Variants in MCL1 observed in about 807,000 individuals in gnomAD.
MCL1 encodes the protein MCL1 apoptosis regulator, BCL2 family member, also known as induced myeloid leukemia cell differentiation protein Mcl-1.
MCL1 carries 4 observed loss-of-function variants against 24.2 expected under a neutral mutation model. The observed-to-expected ratio is 0.17, with a 90% confidence interval of 0.08 to 0.38. The LOEUF (loss-of-function observed/expected upper bound fraction) is 0.38, where lower values mean the gene tolerates loss of function less well. MCL1 is among the 10% of genes least tolerant of loss of function. MCL1 has a pLI of 1.00. For missense variants in MCL1, 529 were observed against 480.3 expected (o/e 1.10, Z -0.95); for synonymous variants, 248 against 214.0 (o/e 1.16, Z -1.39).
chr1:150,577,515 C>T, intron 2 of MCL1, 24 bp from the exon 3 acceptor site: 1 of 1,564,310 alleles, frequency 6.4e-7, no homozygotes, highest in Non-Finnish European at 8.6e-7. Flanking sequence ...AAGAAAAGCA[C>T]ATTTTCAAGT....
rs146560250 is a variant in MCL1 at position 150,577,800 on chromosome 1, AAT to A, written c.937-311_937-310del. 2.9e-3 allele frequency among the ~76,000 whole-genome samples: 448 copies of A among 152,254 alleles called. 3 individuals carry two copies. Among genetic ancestry groups the A allele is most frequent in the Middle Eastern group, 0.02 (6 of 294 alleles). On this transcript the variant is annotated intron_variant, in intron 2 of 2. Coordinates refer to ENST00000369026, the MANE Select transcript of MCL1 (RefSeq NM_021960.5). ...CCTTATTCTCAAATCTCCACCACCT[AAT>A]ATTTCAGTAACGCCTCAATTGCGCA...
At position 150,578,917 on chromosome 1, in the gene MCL1, G is replaced by C. The variant is rs991095360; in HGVS notation, c.614C>G (p.Thr205Ser). 6.2e-7 allele frequency: 1 copy of C among 1,613,660 alleles called. No individual in the cohort carries two copies. Among genetic ancestry groups the C allele is most frequent in the Non-Finnish European group, 8.5e-7 (1 of 1,180,030 alleles). ...DTKPMGRSGATSRKALETLRR... is the reference protein window; with the variant it reads ...DTKPMGRSGASSRKALETLRR... ...TAAGGTCTCCAGCGCCTTCCTGCTG[G>C]TGGCCCCAGACCTGCCCATTGGCTT... The change falls in exon 1 of 3, where the codon ACC becomes AGC. Residue 205 changes from threonine (T) to serine (S), a missense_variant. Coordinates refer to ENST00000369026, the MANE Select transcript of MCL1 (RefSeq NM_021960.5).
chr1:150,578,198 T>G (rs201581549), intron 2 of MCL1, 46 bp downstream of exon 2: 68 of 1,583,488 alleles, frequency 4.3e-5, no homozygotes, highest in Non-Finnish European at 5.7e-5. Flanking sequence ...AAATCCTTCA[T>G]TCTACTTCCA....
rs975416577 is a variant in MCL1, at chr1:150,578,322, G to A, written c.858C>T (p.Cys286=). ...TGATACTTTCTGCTAATGGTTCGAT[G>A]CAGCTTTCTTGGTTTATGGTCTTCA... ...KHLKTINQES[C]IEPLAESITD... Residue 286 remains cysteine, a synonymous_variant, in exon 2 of 3, where the codon TGC becomes TGT. Coordinates refer to ENST00000369026, the MANE Select transcript of MCL1 (RefSeq NM_021960.5). 4.3e-6 allele frequency: 7 copies of A among 1,614,084 alleles called. No homozygotes were observed. The highest frequency in any genetic ancestry group is 1.7e-5 in the Admixed American group (1 of 59,998).
intron 2 of MCL1, 96 bp downstream of exon 2, chr1:150,578,148 G>A (rs904028700): frequency 3.0e-6 from 4 of 1,339,104 alleles, no homozygotes; most frequent in Non-Finnish European, 4.1e-6. Flanking sequence ...AAACAGCCGT[G>A]CGTCATAAAA....
At chr1:150,578,737 G>C in intron 1 of MCL1, 106 bp downstream of exon 1, 1 of 1,253,224 alleles carries the variant, frequency 8.0e-7, no homozygotes, top group Non-Finnish European at 1.1e-6. Flanking sequence ...GATGAGACAC[G>C]TTTCAACACT....
Position 150,579,474 on chromosome 1 carries a change from G to A in MCL1, c.57C>T (p.Ala19=), listed in dbSNP as rs974793067. 2.5e-6 allele frequency: 4 copies of A among 1,592,962 alleles called. No homozygotes were observed. Among genetic ancestry groups the A allele is most frequent in the Non-Finnish European group, 3.4e-6 (4 of 1,171,606 alleles). Residue 19 remains alanine, a synonymous_variant, in exon 1 of 3, where the codon GCC becomes GCT. Coordinates refer to ENST00000369026, the MANE Select transcript of MCL1 (RefSeq NM_021960.5). ...VIGLNLYCGG[A]GLGAGSGGAT... ...CGCCGCCGCTGCCGGCCCCCAAGCC[G>A]GCCCCCCCACAGTAGAGGTTGAGTC...
chr1:150,574,579 T>C lies in MCL1; in HGVS notation c.*2796A>G. 4.4e-6 allele frequency: 1 copy of C among 229,010 alleles called. No homozygotes were observed. Among genetic ancestry groups the C allele is most frequent in the Non-Finnish European group, 8.7e-6 (1 of 115,184 alleles). 14.2% of individuals were successfully genotyped at this position (229,010 alleles called of 1,614,324 possible). A position where few individuals can be genotyped will look rare whatever the true frequency, so the allele number is the denominator to read the frequency against. ...TGTATTTGAATAAAAGATTTATTTT[T>C]TTTTCTCAGGAAAAACAGAAAGTTA... On this transcript the variant is annotated 3_prime_UTR_variant, in exon 3 of 3. Transcript: ENST00000369026.
At position 150,577,369 on chromosome 1, in the gene MCL1, G is replaced by GT. The variant is rs756583252; in HGVS notation, c.*5dup. ...TTAAAAGTCAACTATTGCACTTACA[G>GT]TAAGGCTATCTTATTAGATATGCCA... On this transcript the variant is annotated 3_prime_UTR_variant, in exon 3 of 3. Transcript: ENST00000369026. 8 of 1,612,698 alleles carry GT rather than the reference G, an allele frequency of 5.0e-6. No individual in the cohort carries two copies. In the South Asian group the frequency reaches 8.8e-5, roughly 18 times the overall value.
At position 150,575,123 on chromosome 1, in the gene MCL1, A is replaced by C. The variant is rs944723879; in HGVS notation, c.*2252T>G. ...TTTTAGTTACCGTAACCAGATCTTA[A>C]GATTAATTAAAAACTACATAAAGTG... is the stretch of plus-strand genomic sequence containing the variant. On this transcript the variant is annotated 3_prime_UTR_variant, in exon 3 of 3. Coordinates refer to ENST00000369026, the MANE Select transcript of MCL1 (RefSeq NM_021960.5). 58 of 233,246 alleles carry C rather than the reference A, an allele frequency of 2.5e-4. No individual in the cohort carries two copies. Among genetic ancestry groups the C allele is most frequent in the African/African-American group, 1.2e-3 (56 of 45,280 alleles). The allele number at this position is 233,246 out of a possible 1,614,324, so 14.4% of individuals were successfully genotyped here.
In MCL1 at chr1:150,575,515, T is replaced by A; in HGVS notation, c.*1860A>T. ...AGAGAAAGCCTCATAAAATGTTCTT[T>A]CCTCTGAAAATTCCTGAGGGGACTT... On this transcript the variant is annotated 3_prime_UTR_variant, in exon 3 of 3. Coordinates refer to ENST00000369026, the MANE Select transcript of MCL1 (RefSeq NM_021960.5). 1 of 233,122 alleles carries A rather than the reference T, an allele frequency of 4.3e-6. No homozygotes were observed. Among genetic ancestry groups the A allele is most frequent in the Non-Finnish European group, 8.5e-6 (1 of 117,960 alleles). The allele number at this position is 233,122 out of a possible 1,614,324, so 14.4% of individuals were successfully genotyped here. A position where few individuals can be genotyped will look rare whatever the true frequency, so the allele number is the denominator to read the frequency against.
At position 150,576,768 on chromosome 1, in the gene MCL1, A is replaced by G. The variant is rs955936338; in HGVS notation, c.*607T>C. ...ATTACTGAGCCTTCCGTCAAGTATT[A>G]TTGGTGATAAACTAGGCTAATAAAG... On this transcript the variant is annotated 3_prime_UTR_variant, in exon 3 of 3. Transcript: ENST00000369026. 2.2e-5 allele frequency: 5 copies of G among 232,516 alleles called. No individual in the cohort carries two copies. In the South Asian group the frequency reaches 7.2e-4, roughly 34 times the overall value. The allele number at this position is 232,516 out of a possible 1,614,324, so 14.4% of individuals were successfully genotyped here.
chr1:150,578,829 A>T lies in MCL1; in HGVS notation c.688+14T>A. On this transcript the variant is annotated intron_variant, in intron 1 of 2. Coordinates refer to ENST00000369026, the MANE Select transcript of MCL1 (RefSeq NM_021960.5). ...AAAGGGAGTGAGGCCTTGGCGATTA[A>T]TGAACCCCCTTACCTTGGAAGGCCG... 1 of 1,600,458 alleles carries T rather than the reference A, an allele frequency of 6.2e-7. No individual in the cohort carries two copies. The highest frequency in any genetic ancestry group is 8.5e-7 in the Non-Finnish European group (1 of 1,171,216).
At position 150,579,048 on chromosome 1, in the gene MCL1, G is replaced by A. The variant is rs587719450; in HGVS notation, c.483C>T (p.Pro161=). The A allele has an allele frequency of 2.5e-6, 4 of 1,613,326 alleles. No individual in the cohort carries two copies. Among genetic ancestry groups the A allele is most frequent in the Admixed American group, 1.7e-5 (1 of 60,022 alleles). ...GNNTSTDGSL[P]STPPPAEEEE... The stretch of plus-strand genomic sequence containing the variant: ...CCTCCTCTGCTGGCGGCGGCGTCGA[G>A]GGTAGTGACCCGTCCGTACTGGTGT... Residue 161 remains proline (P), a synonymous_variant, in exon 1 of 3, where the codon CCC becomes CCT. Coordinates refer to ENST00000369026, the MANE Select transcript of MCL1 (RefSeq NM_021960.5).
At position 150,579,294 on chromosome 1, in the gene MCL1, C is replaced by T. The variant is rs1458479717; in HGVS notation, c.237G>A (p.Pro79=). ...LTPDSRRVAR[P]PPIGAEVPDV... ...CGGGGACCTCGGCGCCAATGGGCGG[C>T]GGCCGCGCGACCCTCCGGGAGTCTG... The change falls in exon 1 of 3, where the codon CCG becomes CCA. Residue 79 remains proline (P), a synonymous_variant. Coordinates refer to ENST00000369026, the MANE Select transcript of MCL1 (RefSeq NM_021960.5). The T allele has an allele frequency of 2.0e-6, 3 of 1,475,686 alleles. No homozygotes were observed. Among genetic ancestry groups the T allele is most frequent in the Non-Finnish European group, 1.8e-6 (2 of 1,119,108 alleles). The allele number at this position is 1,475,686 out of a possible 1,614,324, so 91.4% of individuals were successfully genotyped here. A position where few individuals can be genotyped will look rare whatever the true frequency, so the allele number is the denominator to read the frequency against.
rs182383007 is a variant in MCL1 at position 150,574,901 on chromosome 1, C to G, written c.*2474G>C. The G allele has an allele frequency of 3.4e-5, 8 of 233,324 alleles. No individual in the cohort carries two copies. In the South Asian group the frequency reaches 1.1e-3, roughly 32 times the overall value. The allele number at this position is 233,324 out of a possible 1,614,324, so 14.5% of individuals were successfully genotyped here. A position where few individuals can be genotyped will look rare whatever the true frequency, so the allele number is the denominator to read the frequency against. On this transcript the variant is annotated 3_prime_UTR_variant, in exon 3 of 3. Coordinates refer to ENST00000369026, the MANE Select transcript of MCL1 (RefSeq NM_021960.5). ...CTTAGACCACCTGCCTCCTCCTCCC[C>G]CTATAAACCCACCACTCCCCTCCTC...
In MCL1 at chr1:150,575,630, TGTTA is replaced by T. The variant is rs1291772318; in HGVS notation, c.*1741_*1744del. The T allele has an allele frequency of 1.3e-5, 3 of 232,954 alleles. No homozygotes were observed. The highest frequency in any genetic ancestry group is 2.2e-5 in the African/African-American group (1 of 45,308). 14.4% of individuals were successfully genotyped at this position (232,954 alleles called of 1,614,324 possible). A position where few individuals can be genotyped will look rare whatever the true frequency, so the allele number is the denominator to read the frequency against. On this transcript the variant is annotated 3_prime_UTR_variant, in exon 3 of 3. Coordinates refer to ENST00000369026, the MANE Select transcript of MCL1 (RefSeq NM_021960.5). ...GGACTTCCTCCCACCTCTCAATGACTGTTAGTGTCACAGCACCCATGGTATTACC... is the reference window on the plus strand; with the variant it reads ...GGACTTCCTCCCACCTCTCAATGACTGTGTCACAGCACCCATGGTATTACC...
chr1:150,578,365 G>C lies in MCL1; in HGVS notation c.815C>G (p.Ala272Gly), dbSNP rs1367961172. ...GRIVTLISFG[A>G]FVAKHLKTIN... ...GGTCTTCAAGTGTTTAGCCACAAAG[G>C]CACCAAAAGAAATGAGAGTCACAAT... The change falls in exon 2 of 3, where the codon GCC (alanine) becomes GGC (glycine). Residue 272 changes from alanine to glycine, a missense_variant. By Grantham distance (60) the Ala-to-Gly change is moderately conservative (BLOSUM62 0). Coordinates refer to ENST00000369026, the MANE Select transcript of MCL1 (RefSeq NM_021960.5). 3 of 1,614,000 alleles carry C rather than the reference G, an allele frequency of 1.9e-6. No individual in the cohort carries two copies. The East Asian group carries it at 6.7e-5, about 36-fold the overall frequency.
intron 2 of MCL1, 148 bp from the exon 3 acceptor site, chr1:150,577,639 AAG>A: frequency 1.2e-6 from 1 of 813,782 alleles, no homozygotes; most frequent in East Asian, 2.8e-5. Flanking sequence ...GGGGCAAAAA[AAG>A]AAAATAAGTT....
Sources: gnomAD v4.1 joint callset for allele counts (sites outside exome capture counted in the v4.1 genomes callset) on GRCh38, gnomAD v4.1.1 for gene constraint, MANE v1.5 for transcripts, NCBI Gene and HGNC (gene_info 2026-07-23, HGNC 2026-07-21) for gene names.